EFCAB6: variants seen among roughly 807,000 people sequenced by gnomAD.
The protein encoded by EFCAB6 is EF-hand calcium binding domain 6, also known as EF-hand calcium-binding domain-containing protein 6.
Under a neutral mutation model 169.8 loss-of-function variants are expected in EFCAB6, and 156 were observed. That is an observed-to-expected ratio of 0.92 (90% CI 0.81 to 1.05). The LOEUF is 1.05. Among genes scored for constraint, EFCAB6 ranks in the 50% least tolerant of loss-of-function variants. EFCAB6 has a pLI of 0.00. For missense variants in EFCAB6, 1,800 were observed against 1,829.1 expected (o/e 0.98, Z 0.29); for synonymous variants, 698 against 676.4 (o/e 1.03, Z -0.50).
In EFCAB6 at chr22:43,530,922, G is replaced by A; in HGVS notation, c.4276C>T (p.Leu1426=). 6.2e-7 allele frequency: 1 copy of A among 1,614,242 alleles called. No homozygotes were observed. The highest frequency in any genetic ancestry group is 8.5e-7 in the Non-Finnish European group (1 of 1,180,044). The change falls in exon 31 of 32, where the codon CTG becomes TTG. Residue 1426 remains leucine, a synonymous_variant. Transcript: ENST00000262726. ...AETPSFYSAL[L]RIQPKIVHCW... Reference sequence around the variant, plus strand: ...TGCACAATTTTGGGCTGAATACGCAGCAGAGCAGAGTAAAAAGATGGCGTC... The same window carrying A: ...TGCACAATTTTGGGCTGAATACGCAACAGAGCAGAGTAAAAAGATGGCGTC...
At chr22:43,624,307 T>G (rs774831101) in intron 20 of EFCAB6, among the ~76,000 whole-genome samples, 3 of 152,080 alleles carry the variant, frequency 2.0e-5, no homozygotes, top group Non-Finnish European at 4.4e-5. Context: ...CTCCTTTGTG[T>G]CCATCCTCCA....
chr22:43,650,045 T>TG (rs1309619542), intron 17 of EFCAB6, among the ~76,000 whole-genome samples: 9 of 152,282 alleles, frequency 5.9e-5, no homozygotes. Context: ...TTAAGCTGTG[T>TG]GGGGCAGAAG....
chr22:43,536,674 A>T (rs1211784772), intron 29 of EFCAB6: 1 of 152,108 alleles, frequency 6.6e-6, no homozygotes, highest in East Asian at 1.9e-4. Flanking sequence ...ACCCGTCTGT[A>T]CCAAAAAATA....
chr22:43,606,872 C>T (rs1318979234), intron 22 of EFCAB6, among the ~76,000 whole-genome samples: 2 of 152,200 alleles, frequency 1.3e-5, no homozygotes, highest in Non-Finnish European at 2.9e-5. Flanking sequence ...CAGAAACAGG[C>T]TCCGTCCACT....
chr22:43,549,521 G>C (rs1053599914), intron 27 of EFCAB6, among the ~76,000 whole-genome samples: 2 of 152,126 alleles, frequency 1.3e-5, no homozygotes, highest in East Asian at 1.9e-4. Context: ...TTATAATCCT[G>C]AAAGAAAATT....
chr22:43,717,115 G>T, intron 8 of EFCAB6, 143 bp from the exon 9 acceptor site: 2 of 1,100,652 alleles, frequency 1.8e-6, no homozygotes, highest in Non-Finnish European at 2.4e-6. Flanking sequence ...GATTAATGGT[G>T]TTGAAATAAC....
At position 43,731,789 on chromosome 22, in the gene EFCAB6, G is replaced by A; in HGVS notation, c.667C>T (p.His223Tyr). The A allele has an allele frequency of 1.9e-6, 3 of 1,580,696 alleles. No homozygotes were observed. The highest frequency in any genetic ancestry group is 1.2e-5 in the South Asian group (1 of 83,560). ...YEKFSKHYNI[H>Y]KDTAVDYNVF... is the part of the protein sequence containing the mutation. The stretch of plus-strand genomic sequence containing the variant: ...TTGTAATCTACTGCAGTATCCTTGT[G>A]GATGTTGTAGTGTTTCGAAAACCTA... The change falls in exon 8 of 32, where the codon CAC (histidine) becomes TAC (tyrosine). Residue 223 changes from histidine (H) to tyrosine (Y), a missense_variant. Coordinates refer to ENST00000262726, the MANE Select transcript of EFCAB6 (RefSeq NM_022785.4).
At position 43,640,674 on chromosome 22, in the gene EFCAB6, C is replaced by T. The variant is rs76180589; in HGVS notation, c.1984-5458G>A. ...AAAAGCTGTAGAAAATGGGAACTCACTCTTGCTATTCCCATCTTCAGGAGT... is the reference window on the plus strand; with the variant it reads ...AAAAGCTGTAGAAAATGGGAACTCATTCTTGCTATTCCCATCTTCAGGAGT... On this transcript the variant is annotated intron_variant, in intron 17 of 31. Coordinates refer to ENST00000262726, the MANE Select transcript of EFCAB6 (RefSeq NM_022785.4). 9.2e-3 allele frequency among the ~76,000 whole-genome samples: 1,400 copies of T among 152,342 alleles called. 20 individuals carry two copies. Among genetic ancestry groups the T allele is most frequent in the African/African-American group, 0.032 (1,348 of 41,570 alleles).
intron 21 of EFCAB6, among the ~76,000 whole-genome samples, chr22:43,613,900 G>A (rs1213094235): frequency 6.6e-6 from 1 of 152,034 alleles, no homozygotes; most frequent in Non-Finnish European, 1.5e-5. Flanking sequence ...GCTGAGGTAG[G>A]AGGACCACTT....
chr22:43,577,384 G>A (rs778324740), intron 25 of EFCAB6, among the ~76,000 whole-genome samples: 6 of 152,156 alleles, frequency 3.9e-5, no homozygotes, highest in Non-Finnish European at 5.9e-5. Context: ...GCCCAACAGG[G>A]TGATGGCATA....
chr22:43,729,162 C>T (rs1262180872), intron 8 of EFCAB6, among the ~76,000 whole-genome samples: 1 of 152,206 alleles, frequency 6.6e-6, no homozygotes, highest in South Asian at 2.1e-4. Context: ...AGAACCCACT[C>T]ATTACCATGG....
At chr22:43,678,329 C>CTGTGTGTGTGTGTG (rs137787) in intron 12 of EFCAB6, among the ~76,000 whole-genome samples, 166 bp from the exon 13 acceptor site, 2,189 of 144,322 alleles carry the variant, frequency 0.015, 45 homozygotes, top group Non-Finnish European at 0.022. Flanking sequence ...AACATGAGCA[C>CTGTGTGTGTGTGTG]TGTGTGTGTG....
chr22:43,720,439 G>A (rs2059482316), intron 8 of EFCAB6, among the ~76,000 whole-genome samples: 1 of 152,072 alleles, frequency 6.6e-6, no homozygotes, highest in Non-Finnish European at 1.5e-5. Flanking sequence ...TTGAGCCCAG[G>A]AGTTCAAGGC....
chr22:43,611,797 C>CAAAAT lies in EFCAB6; in HGVS notation c.2563-3202_2563-3198dup, dbSNP rs563260462. Reference sequence around the variant, plus strand: ...TGGGTGACAGAGTGAGACCCTGTCTCAAAATAAAATAAAATAAAATAAAAT... The same window carrying CAAAAT: ...TGGGTGACAGAGTGAGACCCTGTCTCAAAATAAAATAAAATAAAATAAAATAAAAT... On this transcript the variant is annotated intron_variant, in intron 21 of 31. Coordinates refer to ENST00000262726, the MANE Select transcript of EFCAB6 (RefSeq NM_022785.4). Among the ~76,000 whole-genome samples the CAAAAT allele has an allele frequency of 5.3e-4, 80 of 151,642 alleles. No individual in the cohort carries two copies. In the East Asian group the frequency reaches 0.01, roughly 20 times the overall value.
Position 43,795,811 on chromosome 22 carries a change from C to T in EFCAB6, c.-8+13184G>A, listed in dbSNP as rs2062484753. ...ACAGCCCTGCCATTCAGACAGCACT[C>T]GCCTCCCAACACACACACACACACA... On this transcript the variant is annotated intron_variant, in intron 2 of 31. Transcript: ENST00000262726. The surrounding 1 kb of genome is among the most constrained non-coding windows in gnomAD (Gnocchi z 4.2). Among the ~76,000 whole-genome samples the T allele has an allele frequency of 1.6e-5, 2 of 122,518 alleles. No individual in the cohort carries two copies. 80.4% of individuals were successfully genotyped at this position (122,518 alleles called of 152,430 possible).
intron 2 of EFCAB6, among the ~76,000 whole-genome samples, chr22:43,794,003 C>A (rs2062406507): frequency 6.6e-6 from 1 of 151,964 alleles, no homozygotes; most frequent in African/African-American, 2.4e-5. Context: ...GTGCCTGAAC[C>A]AGCACTTTGA....
Position 43,576,375 on chromosome 22 carries a change from C to A in EFCAB6, c.3342G>T (p.Leu1114Phe). The stretch of plus-strand genomic sequence containing the variant: ...GGGTTAGATGAATTCTTAGTTTCCT[C>A]AAAAAATAATGATACTGATTGTCCG... The part of the protein sequence containing the change: ...KLTDNQYHYF[L>F]RKLRIHLTPY... Residue 1114 changes from leucine (L) to phenylalanine (F), a missense_variant, in exon 26 of 32, where the codon TTG becomes TTT. Coordinates refer to ENST00000262726, the MANE Select transcript of EFCAB6 (RefSeq NM_022785.4). 6.2e-7 allele frequency: 1 copy of A among 1,600,380 alleles called. No homozygotes were observed. The highest frequency in any genetic ancestry group is 1.1e-5 in the South Asian group (1 of 87,220).
chr22:43,712,393 A>T (rs1376613561), intron 9 of EFCAB6, among the ~76,000 whole-genome samples: 2 of 152,198 alleles, frequency 1.3e-5, no homozygotes, highest in Non-Finnish European at 2.9e-5. Context: ...AACTTGGTGT[A>T]AAAGGTCATT....
intron 27 of EFCAB6, among the ~76,000 whole-genome samples, chr22:43,541,222 T>A (rs1399098579): frequency 2.0e-5 from 3 of 152,026 alleles, no homozygotes; most frequent in Non-Finnish European, 4.4e-5. Flanking sequence ...AGAAACCGAG[T>A]TGCTTCTGGG....
Sources: gnomAD v4.1 joint callset for allele counts (sites outside exome capture counted in the v4.1 genomes callset) on GRCh38, gnomAD v4.1.1 for gene constraint, Gnocchi (gnomAD v3.1) non-coding constraint, MANE v1.5 for transcripts, NCBI Gene and HGNC (gene_info 2026-07-23, HGNC 2026-07-21) for gene names.